Variants in FGFR1 observed in about 807,000 individuals in gnomAD.
FGFR1 encodes FGFR1/PLAG1 fusion.
Under a neutral mutation model 93.7 loss-of-function variants are expected in FGFR1, and 18 were observed. The ratio of observed to expected loss-of-function variants is 0.19; its 90% CI spans 0.13 to 0.28. The LOEUF (loss-of-function observed/expected upper bound fraction) is 0.28. Ranked by LOEUF, FGFR1 falls within the 10% of genes least tolerant of loss-of-function variation. The pLI, the probability that FGFR1 is intolerant of heterozygous loss-of-function variation, is 1.00. For missense variants in FGFR1, 731 were observed against 1,080.4 expected, an observed-to-expected ratio of 0.68 and a Z score of 4.53; for synonymous variants, 448 against 429.3, an observed-to-expected ratio of 1.04 and a Z score of -0.54.
rs1363501762 is a variant in FGFR1, at chr8:38,429,323, A to C, written c.358+359T>G. On this transcript the variant is annotated intron_variant, in intron 3 of 17. Transcript: ENST00000447712. This position sits in a 1 kb window ranked among gnomAD's most constrained non-coding sequence, Gnocchi z 4.4. ...AATCACTAAGCCGAGTACCAAGTCCAAATGGCAAGGGAGTGATGGAGTGGA... is the reference window on the plus strand; with the variant it reads ...AATCACTAAGCCGAGTACCAAGTCCCAATGGCAAGGGAGTGATGGAGTGGA... 3.5e-6 allele frequency: 2 copies of C among 575,740 alleles called. No individual in the cohort carries two copies. Among genetic ancestry groups the C allele is most frequent in the Non-Finnish European group, 6.7e-6 (2 of 297,322 alleles). 35.7% of individuals were successfully genotyped at this position (575,740 alleles called of 1,614,324 possible). A position where few individuals can be genotyped will look rare whatever the true frequency, so the allele number is the denominator to read the frequency against.
At position 38,429,967 on chromosome 8, in the gene FGFR1, C is replaced by G. The variant is rs753723806; in HGVS notation, c.92-19G>C. 2.5e-6 allele frequency: 4 copies of G among 1,591,790 alleles called. No homozygotes were observed. The highest frequency in any genetic ancestry group is 3.4e-6 in the Non-Finnish European group (4 of 1,167,466). The stretch of plus-strand genomic sequence containing the variant: ...GGCTGGGCTGCAGCCACCACGGGGC[C>G]GGGAAGGGAAGCCAAGGGGCGAGAG... On this transcript the variant is annotated intron_variant, in intron 2 of 17. Transcript: ENST00000447712. The surrounding 1 kb of genome is among the most constrained non-coding windows in gnomAD (Gnocchi z 4.4).
At chr8:38,466,568 T>C (rs1448499461) in intron 1 of FGFR1, 1 of 230,506 alleles carries the variant, frequency 4.3e-6, no homozygotes, top group African/African-American at 2.2e-5. Context: ...CTTGGTGAGA[T>C]CTTAAATAAC....
At chr8:38,453,100 C>T (rs921221699) in intron 2 of FGFR1, among the ~76,000 whole-genome samples, 43 of 152,222 alleles carry the variant, frequency 2.8e-4, no homozygotes, top group Admixed American at 5.9e-4. Context: ...GAAGCCAGAT[C>T]TCCCCTTAGA....
In FGFR1 at chr8:38,453,718, C is replaced by G. The variant is rs558180925; in HGVS notation, c.91+3638G>C. 1.5e-3 allele frequency among the ~76,000 whole-genome samples: 233 copies of G among 152,248 alleles called. 3 individuals are homozygous for G. Among genetic ancestry groups the G allele is most frequent in the South Asian group, 6.2e-3 (30 of 4,822 alleles). On this transcript the variant is annotated intron_variant, in intron 2 of 17. Coordinates refer to ENST00000447712, the MANE Select transcript of FGFR1 (RefSeq NM_023110.3). ...GGAGTTCAAGGCCAACCTGGTGAAACCCATCTCTACTAAAAATATAAAAAT... is the reference window on the plus strand; with the variant it reads ...GGAGTTCAAGGCCAACCTGGTGAAAGCCATCTCTACTAAAAATATAAAAAT...
At chr8:38,430,783 C>T (rs1822765697) in intron 2 of FGFR1, 1 of 152,344 alleles carries the variant, frequency 6.6e-6, no homozygotes, top group East Asian at 1.9e-4. Flanking sequence ...CCTTCTCTGT[C>T]CCTGGGTGGG....
intron 2 of FGFR1, among the ~76,000 whole-genome samples, chr8:38,456,099 T>C (rs902242978): frequency 2.6e-5 from 4 of 152,112 alleles, no homozygotes; most frequent in African/African-American, 9.7e-5. Flanking sequence ...ACACATATTC[T>C]CACCCATCAC....
chr8:38,466,066 T>C, intron 1 of FGFR1: 1 of 231,058 alleles, frequency 4.3e-6, no homozygotes, highest in East Asian at 6.1e-5. Context: ...CTTTCCTGCC[T>C]CAAAGACTAT....
At chr8:38,415,704 C>CA in intron 13 of FGFR1, 166 bp downstream of exon 13, 1 of 743,844 alleles carries the variant, frequency 1.3e-6, no homozygotes, top group Non-Finnish European at 2.3e-6. Context: ...CACTGGTGCT[C>CA]CTGACTCTGC....
Position 38,429,864 on chromosome 8 carries a change from T to A in FGFR1, c.176A>T (p.Asp59Val), listed in dbSNP as rs150042321. ...DLLQLRCRLR[D>V]DVQSINWLRD... ...CAGCCAGTTGATGCTCTGCACATCG[T>A]CCCGCAGCCGACAGCGAAGCTGCAG... Residue 59 changes from aspartate to valine, a missense_variant, in exon 3 of 18, where the codon GAC becomes GTC. Coordinates refer to ENST00000447712, the MANE Select transcript of FGFR1 (RefSeq NM_023110.3). The surrounding 1 kb of genome is among the most constrained non-coding windows in gnomAD (Gnocchi z 4.4). 78 of 1,614,014 alleles carry A rather than the reference T, an allele frequency of 4.8e-5. No individual in the cohort carries two copies. The East Asian group carries it at 1.7e-3, about 36-fold the overall frequency.
rs772326039 is a variant in FGFR1, at chr8:38,421,810, C to T, written c.1068G>A (p.Leu356=). The T allele has an allele frequency of 1.2e-6, 2 of 1,613,994 alleles. No individual in the cohort carries two copies. Among genetic ancestry groups the T allele is most frequent in the African/African-American group, 2.7e-5 (2 of 74,892 alleles). The change falls in exon 8 of 18, where the codon TTG becomes TTA. Residue 356 remains leucine, a synonymous_variant. Transcript: ENST00000447712. ...TACAGTGTGTACCTTCCAGAACGGT[C>T]AACCATGCAGAGTGATGGGAGAGTC... ...SIGLSHHSAW[L]TVLEALEERP...
At chr8:38,456,969 A>T (rs1381368315) in intron 2 of FGFR1, among the ~76,000 whole-genome samples, 2 of 152,166 alleles carry the variant, frequency 1.3e-5, no homozygotes, top group Non-Finnish European at 2.9e-5. Flanking sequence ...TTCTACACGC[A>T]AATTCTAAGG....
intron 1 of FGFR1, among the ~76,000 whole-genome samples, chr8:38,462,513 A>ATT (rs560156704): frequency 2.6e-5 from 4 of 151,802 alleles, no homozygotes; most frequent in African/African-American, 9.7e-5. Context: ...AAAAAAAAAA[A>ATT]TTTTTTTTAC....
chr8:38,440,539 C>A (rs915874983), intron 2 of FGFR1, among the ~76,000 whole-genome samples: 3 of 151,600 alleles, frequency 2.0e-5, no homozygotes, highest in Non-Finnish European at 2.9e-5. Flanking sequence ...CCAATGGCGT[C>A]CACCAGCCCC....
chr8:38,413,558 G>A lies in FGFR1; in HGVS notation c.*70C>T, dbSNP rs886062918. On this transcript the variant is annotated 3_prime_UTR_variant, in exon 18 of 18. Coordinates refer to ENST00000447712, the MANE Select transcript of FGFR1 (RefSeq NM_023110.3). This position sits in a 1 kb window ranked among gnomAD's most constrained non-coding sequence, Gnocchi z 4.2. Reference sequence around the variant, plus strand: ...AAGGGGACAGGGACGGACAGGTGGTGGGCCCAGCAGGGGCTGTGGGTGAGG... The same window carrying A: ...AAGGGGACAGGGACGGACAGGTGGTAGGCCCAGCAGGGGCTGTGGGTGAGG... 3.3e-6 allele frequency: 5 copies of A among 1,497,770 alleles called. No homozygotes were observed. In the East Asian group the frequency reaches 7.1e-5, roughly 21 times the overall value. 92.8% of individuals were successfully genotyped at this position (1,497,770 alleles called of 1,614,324 possible).
intron 1 of FGFR1, among the ~76,000 whole-genome samples, chr8:38,463,726 C>G (rs1178021786): frequency 6.6e-6 from 1 of 152,208 alleles, no homozygotes; most frequent in Non-Finnish European, 1.5e-5. Flanking sequence ...CAGCCAAACT[C>G]TAGTCCAAAG....
chr8:38,446,912 G>A (rs1026813847), intron 2 of FGFR1, among the ~76,000 whole-genome samples: 3 of 152,046 alleles, frequency 2.0e-5, no homozygotes, highest in African/African-American at 7.2e-5. Flanking sequence ...CTCAGGTGTC[G>A]GATCTGACAC....
chr8:38,437,702 A>G (rs1006082970), intron 2 of FGFR1, among the ~76,000 whole-genome samples: 2 of 152,198 alleles, frequency 1.3e-5, no homozygotes, highest in African/African-American at 2.4e-5. Context: ...TTCATGGGAG[A>G]AAACAGTAAC....
intron 2 of FGFR1, among the ~76,000 whole-genome samples, chr8:38,442,362 GGTGTGTGTGTGTGT>G (rs56889687): frequency 4.1e-5 from 6 of 145,980 alleles, no homozygotes; most frequent in African/African-American, 7.6e-5. Flanking sequence ...TTGTTAAAGT[GGTGTGTGTGTGTGT>G]GTGTGTGTGT....
At chr8:38,427,351 C>A (rs1821162258) in intron 5 of FGFR1, among the ~76,000 whole-genome samples, 1 of 152,178 alleles carries the variant, frequency 6.6e-6, no homozygotes, top group Non-Finnish European at 1.5e-5. Context: ...GTGATCTCAG[C>A]TCACTGCAAC....
Sources: allele counts gnomAD v4.1 joint callset (sites outside exome capture counted in the v4.1 genomes callset), GRCh38; gene constraint gnomAD v4.1.1; non-coding constraint Gnocchi (gnomAD v3.1); transcripts MANE v1.5; gene names NCBI Gene and HGNC (gene_info 2026-07-23, HGNC 2026-07-21).